Variants in SBF2 observed in about 807,000 individuals in gnomAD.
SBF2 encodes the protein myotubularin-related protein 13.
A neutral mutation model predicts 225.2 loss-of-function variants in SBF2; 112 were observed. The ratio of observed to expected loss-of-function variants is 0.50; its 90% confidence interval spans 0.43 to 0.58. The LOEUF is 0.58. SBF2 is among the 20% of genes least tolerant of loss of function. The probability of loss-of-function intolerance (pLI) is 0.00; values close to 1 mark genes in which losing one functional copy is unlikely to be tolerated. For missense variants in SBF2, 1,996 were observed against 2,206.2 expected, an observed-to-expected ratio of 0.90 and a Z score of 1.91; for synonymous variants, 763 against 773.3, an observed-to-expected ratio of 0.99 and a Z score of 0.22.
intron 2 of SBF2, among the ~76,000 whole-genome samples, chr11:10,116,545 G>C (rs1421940991): frequency 2.0e-5 from 3 of 152,020 alleles, no homozygotes; most frequent in South Asian, 2.1e-4. Flanking sequence ...TTATTTCCCT[G>C]TTCAAGAATC....
intron 1 of SBF2, among the ~76,000 whole-genome samples, chr11:10,234,470 T>C (rs1958982160): frequency 6.6e-6 from 1 of 152,246 alleles, no homozygotes; most frequent in African/African-American, 2.4e-5. Flanking sequence ...TAATGTTAGC[T>C]TGTATCACAG....
intron 2 of SBF2, among the ~76,000 whole-genome samples, chr11:10,189,654 G>A (rs1032979471): frequency 6.6e-5 from 10 of 152,056 alleles, no homozygotes; most frequent in Non-Finnish European, 1.2e-4. Context: ...AACCAATTTC[G>A]TAAGAACATT....
rs577524788 is a variant in SBF2 at position 10,248,563 on chromosome 11, T to C, written c.55+45452A>G. Among the ~76,000 whole-genome samples, 33 of 152,318 alleles carry C rather than the reference T, an allele frequency of 2.2e-4. No individual in the cohort carries two copies. In the East Asian group the frequency reaches 2.9e-3, roughly 13 times the overall value. The stretch of plus-strand genomic sequence containing the variant: ...AAAATGCTGAACTTACCAAGGTTTT[T>C]CACCAAAAGTAAAAATGCTAAGGGT... On this transcript the variant is annotated intron_variant, in intron 1 of 39. Coordinates refer to ENST00000256190, the MANE Select transcript of SBF2 (RefSeq NM_030962.4).
intron 9 of SBF2, among the ~76,000 whole-genome samples, chr11:9,994,684 A>G (rs932157800): frequency 1.3e-5 from 2 of 151,850 alleles, no homozygotes; most frequent in African/African-American, 4.8e-5. Flanking sequence ...CTATTTGTCT[A>G]TATAGTTGAA....
chr11:9,985,901 A>G (rs55767227), intron 13 of SBF2, among the ~76,000 whole-genome samples: 1,699 of 152,280 alleles, frequency 0.011, 33 homozygotes, highest in African/African-American at 0.038. Context: ...CAAAGAAACA[A>G]TGGATTTAAA....
intron 1 of SBF2, among the ~76,000 whole-genome samples, chr11:10,253,277 AAT>A (rs145530713): frequency 0.015 from 2,209 of 152,222 alleles, 41 homozygotes; most frequent in African/African-American, 0.038. Flanking sequence ...GTGCATATAT[AAT>A]ATAATGAAAA....
At chr11:9,950,080 T>C (rs1024451848) in intron 16 of SBF2, among the ~76,000 whole-genome samples, 1 of 151,910 alleles carries the variant, frequency 6.6e-6, no homozygotes, top group African/African-American at 2.4e-5. Context: ...GGAAGGGACC[T>C]TGCAGGGACC....
chr11:10,167,523 C>A (rs1956014870), intron 2 of SBF2, among the ~76,000 whole-genome samples: 1 of 151,682 alleles, frequency 6.6e-6, no homozygotes, highest in Non-Finnish European at 1.5e-5. Context: ...GAGCCCTGAC[C>A]ACAGACTGTA....
At chr11:9,859,716 A>G (rs1405467816) in intron 17 of SBF2, among the ~76,000 whole-genome samples, 1 of 152,250 alleles carries the variant, frequency 6.6e-6, no homozygotes, top group Non-Finnish European at 1.5e-5. Flanking sequence ...TATACCAGAT[A>G]TATAAGACAT....
intron 2 of SBF2, among the ~76,000 whole-genome samples, chr11:10,064,242 T>A (rs959151581): frequency 6.6e-6 from 1 of 152,098 alleles, no homozygotes; most frequent in African/African-American, 2.4e-5. Flanking sequence ...TCTTATACTA[T>A]AGGAAAAGTG....
chr11:10,093,242 T>C (rs1951856458), intron 2 of SBF2, among the ~76,000 whole-genome samples: 2 of 152,058 alleles, frequency 1.3e-5, no homozygotes, highest in African/African-American at 4.8e-5. Context: ...CTCAAACTCC[T>C]GGCCTCAAGT....
chr11:9,834,810 T>C (rs2133942424), intron 26 of SBF2, among the ~76,000 whole-genome samples: 2 of 152,340 alleles, frequency 1.3e-5, no homozygotes, highest in Middle Eastern at 3.4e-3. Context: ...TAATGTTTAA[T>C]GGTTCCAGGA....
chr11:9,875,117 A>G (rs948990125), intron 17 of SBF2, among the ~76,000 whole-genome samples: 1 of 152,212 alleles, frequency 6.6e-6, no homozygotes, highest in African/African-American at 2.4e-5. Flanking sequence ...ATTTCCCAGG[A>G]AGAATTATCT....
intron 16 of SBF2, among the ~76,000 whole-genome samples, chr11:9,908,421 C>A (rs1370439067): frequency 3.3e-5 from 5 of 151,968 alleles, no homozygotes; most frequent in Non-Finnish European, 5.9e-5. Flanking sequence ...GTCAGGAGAT[C>A]GAGACCATCC....
chr11:9,799,371 C>T (rs775820919), intron 32 of SBF2, among the ~76,000 whole-genome samples: 10 of 152,150 alleles, frequency 6.6e-5, no homozygotes, highest in African/African-American at 1.2e-4. Flanking sequence ...AAGGTGTATA[C>T]GCTTGGGGGC....
At chr11:9,853,425 G>A (rs963577312) in intron 20 of SBF2, 115 bp downstream of exon 20, 2 of 927,544 alleles carry the variant, frequency 2.2e-6, no homozygotes, top group African/African-American at 3.3e-5. Flanking sequence ...AAACTAATCA[G>A]AAAATAAATA....
chr11:9,797,895 C>A (rs1853230091), intron 32 of SBF2, among the ~76,000 whole-genome samples: 1 of 152,074 alleles, frequency 6.6e-6, no homozygotes, highest in East Asian at 1.9e-4. Context: ...TCGCTTGTGT[C>A]CAGGAGTTCG....
chr11:9,922,477 T>A (rs1448359733), intron 16 of SBF2, among the ~76,000 whole-genome samples: 1 of 152,190 alleles, frequency 6.6e-6, no homozygotes, highest in Non-Finnish European at 1.5e-5. Flanking sequence ...GCAATAAAAA[T>A]GGGGTCTACT....
intron 26 of SBF2, among the ~76,000 whole-genome samples, chr11:9,836,407 TC>T (rs1855739094): frequency 6.6e-6 from 1 of 152,174 alleles, no homozygotes; most frequent in Non-Finnish European, 1.5e-5. Flanking sequence ...TTATCTTAAA[TC>T]AAGTATCCAC....
Sources: gnomAD v4.1 joint callset for allele counts (sites outside exome capture counted in the v4.1 genomes callset) on GRCh38, gnomAD v4.1.1 for gene constraint, MANE v1.5 for transcripts, NCBI Gene and HGNC (gene_info 2026-07-23, HGNC 2026-07-21) for gene names.